Variants in EPHB1 observed in about 807,000 individuals in gnomAD.
EPHB1 encodes the protein ephrin type-B receptor 1.
In EPHB1, 30 loss-of-function variants were observed where a neutral mutation model predicts 94.4. That is an observed-to-expected ratio of 0.32 (90% CI 0.24 to 0.43). EPHB1 has a LOEUF of 0.43. EPHB1 is among the 20% of genes least tolerant of loss of function. EPHB1 has a pLI of 1.00. For missense variants in EPHB1, 1,055 were observed against 1,308.3 expected, an observed-to-expected ratio of 0.81 and a Z score of 2.99; for synonymous variants, 522 against 489.1, an observed-to-expected ratio of 1.07 and a Z score of -0.89.
At chr3:135,173,035 CT>C (rs1325117108) in intron 9 of EPHB1, among the ~76,000 whole-genome samples, 25,277 of 136,528 alleles carry the variant, frequency 0.19, 1,825 homozygotes, top group Middle Eastern at 0.25. Flanking sequence ...GAAATAGTTT[CT>C]TTTTTTTTTT....
chr3:135,109,609 G>T (rs890892437), intron 4 of EPHB1, among the ~76,000 whole-genome samples: 6 of 152,200 alleles, frequency 3.9e-5, no homozygotes, highest in African/African-American at 1.4e-4. Flanking sequence ...CAGGCTTGAC[G>T]CCATCACCGA....
chr3:135,206,641 C>T (rs1267542691), intron 12 of EPHB1, among the ~76,000 whole-genome samples: 2 of 152,114 alleles, frequency 1.3e-5, no homozygotes, highest in East Asian at 3.9e-4. Flanking sequence ...CCTGAGGTCA[C>T]GAGTTCGAGA....
At chr3:135,024,739 C>T (rs915296361) in intron 3 of EPHB1, among the ~76,000 whole-genome samples, 3 of 152,144 alleles carry the variant, frequency 2.0e-5, no homozygotes, top group African/African-American at 7.2e-5. Context: ...TCCTGATCAT[C>T]TCCCCTACCC....
intron 4 of EPHB1, among the ~76,000 whole-genome samples, chr3:135,131,296 C>T (rs937124371): frequency 1.3e-5 from 2 of 152,230 alleles, no homozygotes; most frequent in Non-Finnish European, 2.9e-5. Context: ...TTGCTTTCTG[C>T]TCTAGCTGCT....
At chr3:134,988,520 T>G (rs929874206) in intron 3 of EPHB1, among the ~76,000 whole-genome samples, 2 of 152,220 alleles carry the variant, frequency 1.3e-5, no homozygotes, top group Non-Finnish European at 2.9e-5. Flanking sequence ...CTAACGGCCC[T>G]AATAAGAGCA....
chr3:135,184,293 G>T (rs1488810241), intron 10 of EPHB1, among the ~76,000 whole-genome samples: 1 of 152,170 alleles, frequency 6.6e-6, no homozygotes, highest in Non-Finnish European at 1.5e-5. Flanking sequence ...CGGAGGGAAA[G>T]TTCAGAAATT....
chr3:135,133,191 A>G, intron 5 of EPHB1, 142 bp downstream of exon 5: 1 of 812,948 alleles, frequency 1.2e-6, no homozygotes, highest in South Asian at 1.9e-5. Context: ...GGTGATGGGC[A>G]TTTGTGATCA....
intron 3 of EPHB1, among the ~76,000 whole-genome samples, chr3:135,106,118 C>T (rs1215711516): frequency 6.6e-6 from 1 of 152,126 alleles, no homozygotes; most frequent in African/African-American, 2.4e-5. Flanking sequence ...AGGGAGTAAC[C>T]ATTTATAGAG....
chr3:134,912,162 C>T (rs1041576527), intron 1 of EPHB1, among the ~76,000 whole-genome samples: 8 of 152,176 alleles, frequency 5.3e-5, no homozygotes, highest in Non-Finnish European at 2.9e-5. Context: ...GATTGATGCC[C>T]CCTGGGTGCT....
At chr3:135,113,512 C>T (rs1277948224) in intron 4 of EPHB1, among the ~76,000 whole-genome samples, 2 of 152,210 alleles carry the variant, frequency 1.3e-5, no homozygotes, top group Non-Finnish European at 2.9e-5. Context: ...CTTCTCCCTC[C>T]AGTAACCCCG....
chr3:134,841,737 C>T (rs1209103267), intron 1 of EPHB1, among the ~76,000 whole-genome samples: 1 of 152,184 alleles, frequency 6.6e-6, no homozygotes, highest in Non-Finnish European at 1.5e-5. Flanking sequence ...TCCTCAGTTT[C>T]CCTCCCTGTA....
chr3:135,179,752 G>C, intron 9 of EPHB1, 108 bp from the exon 10 acceptor site: 1 of 1,372,600 alleles, frequency 7.3e-7, no homozygotes, highest in Non-Finnish European at 1.0e-6. Context: ...AGCCTGGTGT[G>C]TAGGAGAGCT....
intron 3 of EPHB1, among the ~76,000 whole-genome samples, chr3:135,080,029 T>A (rs1367628756): frequency 6.6e-6 from 1 of 152,090 alleles, no homozygotes; most frequent in East Asian, 1.9e-4. Flanking sequence ...AGAGATCCTG[T>A]TTGTTTGAGG....
At chr3:134,977,474 A>G (rs966439620) in intron 3 of EPHB1, among the ~76,000 whole-genome samples, 1 of 152,212 alleles carries the variant, frequency 6.6e-6, no homozygotes, top group Non-Finnish European at 1.5e-5. Context: ...CCAAGAATGT[A>G]TCTGGCAGAC....
chr3:135,150,951 C>T (rs1454654610), intron 5 of EPHB1, among the ~76,000 whole-genome samples: 1 of 152,318 alleles, frequency 6.6e-6, no homozygotes, highest in East Asian at 1.9e-4. Context: ...TTGATGGCAG[C>T]CCCATTCTTC....
At chr3:134,948,729 G>A (rs2039263480) in intron 2 of EPHB1, among the ~76,000 whole-genome samples, 3 of 152,262 alleles carry the variant, frequency 2.0e-5, no homozygotes, top group African/African-American at 7.2e-5. Context: ...TGAAGGAGCT[G>A]TGTGGACTGT....
chr3:134,974,472 G>T (rs1934105209), intron 3 of EPHB1, among the ~76,000 whole-genome samples: 1 of 152,168 alleles, frequency 6.6e-6, no homozygotes, highest in Non-Finnish European at 1.5e-5. Flanking sequence ...TGCTTGTAAA[G>T]TGCCTAAAAC....
At chr3:135,079,044 G>A (rs1205266102) in intron 3 of EPHB1, among the ~76,000 whole-genome samples, 1 of 151,660 alleles carries the variant, frequency 6.6e-6, no homozygotes, top group Non-Finnish European at 1.5e-5. Flanking sequence ...ATAGTTCTGG[G>A]TTAGGAGTGT....
At chr3:135,145,937 A>T (rs1940995259) in intron 5 of EPHB1, among the ~76,000 whole-genome samples, 1 of 152,226 alleles carries the variant, frequency 6.6e-6, no homozygotes, top group Non-Finnish European at 1.5e-5. Flanking sequence ...AAGAGCCCGC[A>T]ATCATTGCAG....
Sources: allele counts gnomAD v4.1 joint callset (sites outside exome capture counted in the v4.1 genomes callset), GRCh38; gene constraint gnomAD v4.1.1; transcripts MANE v1.5; gene names NCBI Gene and HGNC (gene_info 2026-07-23, HGNC 2026-07-21).